Variants in CHCHD6 observed in about 807,000 individuals in gnomAD.
CHCHD6 encodes coiled-coil-helix-coiled-coil-helix domain containing 6, also known as MICOS complex subunit MIC25.
A neutral mutation model predicts 32.3 loss-of-function variants in CHCHD6; 28 were observed. That is an observed-to-expected ratio of 0.87 (90% CI 0.64 to 1.19). The LOEUF (loss-of-function observed/expected upper bound fraction) is 1.19, where lower values mean the gene tolerates loss of function less well. CHCHD6 is among the 50% of genes most tolerant of loss of function. The pLI is 0.00. For synonymous variants in CHCHD6, 122 were observed against 117.5 expected, an observed-to-expected ratio of 1.04 and a Z score of -0.25; for missense variants, 333 against 307.0, an observed-to-expected ratio of 1.08 and a Z score of -0.63.
intron 1 of CHCHD6, among the ~76,000 whole-genome samples, chr3:126,709,839 CT>C (rs1332667751): frequency 9.9e-5 from 15 of 152,228 alleles, no homozygotes; most frequent in African/African-American, 3.4e-4. Flanking sequence ...GATTATTTGT[CT>C]TTTTATTGTT....
At chr3:126,704,449 G>A (rs770458773) in intron 1 of CHCHD6, 50 bp downstream of exon 1, 5 of 1,253,550 alleles carry the variant, frequency 4.0e-6, no homozygotes, top group Middle Eastern at 2.9e-4. Flanking sequence ...GCGGGCGCGG[G>A]GGGGAGGTGC....
At chr3:126,732,115 C>T (rs1408178821) in intron 3 of CHCHD6, among the ~76,000 whole-genome samples, 2 of 144,708 alleles carry the variant, frequency 1.4e-5, no homozygotes, top group South Asian at 2.2e-4. Flanking sequence ...AAAAAGCCAA[C>T]TATTAACCTG....
intron 4 of CHCHD6, among the ~76,000 whole-genome samples, chr3:126,845,402 A>G (rs1391908482): frequency 6.6e-6 from 1 of 152,218 alleles, no homozygotes; most frequent in Non-Finnish European, 1.5e-5. Context: ...GTTCAAAAAT[A>G]TCCCATTACT....
chr3:126,756,189 G>A (rs1417815233), intron 4 of CHCHD6, among the ~76,000 whole-genome samples: 2 of 152,064 alleles, frequency 1.3e-5, no homozygotes, highest in East Asian at 1.9e-4. Context: ...CCCCTACCTC[G>A]GACCCATAGC....
At chr3:126,820,414 G>T (rs1204036862) in intron 4 of CHCHD6, among the ~76,000 whole-genome samples, 2 of 152,092 alleles carry the variant, frequency 1.3e-5, no homozygotes, top group Admixed American at 6.5e-5. Flanking sequence ...CCGCTACTTG[G>T]ACCTCTGCTG....
At chr3:126,792,872 C>T (rs1938619264) in intron 4 of CHCHD6, among the ~76,000 whole-genome samples, 1 of 152,116 alleles carries the variant, frequency 6.6e-6, no homozygotes, top group South Asian at 2.1e-4. Context: ...GATTTGCCTA[C>T]TTCTCCCTGC....
At position 126,882,828 on chromosome 3, in the gene CHCHD6, C is replaced by T. The variant is rs114585119; in HGVS notation, c.495+30098C>T. 3.5e-3 allele frequency among the ~76,000 whole-genome samples: 535 copies of T among 152,280 alleles called. 6 individuals carry two copies. Among genetic ancestry groups the T allele is most frequent in the African/African-American group, 0.012 (504 of 41,538 alleles). On this transcript the variant is annotated intron_variant, in intron 5 of 7. Transcript: ENST00000290913. ...TTGGTATTCTGCCCTCATTTTCTGG[C>T]GTACAACTCCTGAAATCCTTAGGAT...
At chr3:126,827,548 A>T (rs371499111) in intron 4 of CHCHD6, among the ~76,000 whole-genome samples, 2 of 152,034 alleles carry the variant, frequency 1.3e-5, no homozygotes, top group South Asian at 4.2e-4. Flanking sequence ...TCCAGAAACA[A>T]CCTGGTGTGG....
chr3:126,862,381 A>C (rs1941948423), intron 5 of CHCHD6, among the ~76,000 whole-genome samples: 1 of 98,642 alleles, frequency 1.0e-5, no homozygotes. Context: ...CACCATCACC[A>C]CCTCCTCCTC....
At chr3:126,941,094 C>T (rs756291768) in intron 6 of CHCHD6, among the ~76,000 whole-genome samples, 39 of 152,222 alleles carry the variant, frequency 2.6e-4, no homozygotes, top group Admixed American at 7.2e-4. Flanking sequence ...CTTTCCACCC[C>T]AGTGAAGGTC....
At chr3:126,809,185 G>A (rs1178538283) in intron 4 of CHCHD6, among the ~76,000 whole-genome samples, 1 of 152,140 alleles carries the variant, frequency 6.6e-6, no homozygotes, top group African/African-American at 2.4e-5. Context: ...TGTTGGCCAG[G>A]CTGGTCTGGA....
At chr3:126,765,369 A>T (rs560039625) in intron 4 of CHCHD6, among the ~76,000 whole-genome samples, 5 of 152,326 alleles carry the variant, frequency 3.3e-5, no homozygotes, top group Admixed American at 1.3e-4. Flanking sequence ...CACTCAGCAC[A>T]GCGAGCTCGG....
chr3:126,721,733 A>G (rs1052005746), intron 1 of CHCHD6, among the ~76,000 whole-genome samples: 2 of 94,792 alleles, frequency 2.1e-5, no homozygotes, highest in African/African-American at 8.6e-5. Flanking sequence ...ACCAAATCCT[A>G]CTTACCCTGT....
intron 5 of CHCHD6, among the ~76,000 whole-genome samples, chr3:126,862,461 C>T (rs1941957942): frequency 1.5e-5 from 2 of 135,072 alleles, no homozygotes; most frequent in African/African-American, 2.8e-5. Flanking sequence ...CCTCCTCCTC[C>T]ACCATCACCA....
chr3:126,858,100 G>A (rs573837771), intron 5 of CHCHD6, among the ~76,000 whole-genome samples: 19 of 152,268 alleles, frequency 1.2e-4, no homozygotes, highest in Non-Finnish European at 2.5e-4. Flanking sequence ...AAAGTGAGCC[G>A]TCCACAGCTG....
At chr3:126,840,402 T>TA (rs1941024246) in intron 4 of CHCHD6, among the ~76,000 whole-genome samples, 1 of 152,098 alleles carries the variant, frequency 6.6e-6, no homozygotes, top group African/African-American at 2.4e-5. Context: ...TATATTTCAA[T>TA]AAAAAATCTA....
chr3:126,789,970 TC>T (rs1938441885), intron 4 of CHCHD6, among the ~76,000 whole-genome samples: 1 of 152,226 alleles, frequency 6.6e-6, no homozygotes. Context: ...TACTAGTTGT[TC>T]CTTTCCATGT....
At chr3:126,918,843 T>A (rs1202168263) in intron 6 of CHCHD6, among the ~76,000 whole-genome samples, 3 of 152,248 alleles carry the variant, frequency 2.0e-5, no homozygotes. Context: ...TTCTAATGTA[T>A]GCATTTAAGG....
chr3:126,855,682 A>G (rs1941642497), intron 5 of CHCHD6, among the ~76,000 whole-genome samples: 1 of 152,106 alleles, frequency 6.6e-6, no homozygotes, highest in Non-Finnish European at 1.5e-5. Context: ...GGGGCCATGC[A>G]ATCCCCAGGT....
Sources: gnomAD v4.1 joint callset for allele counts (sites outside exome capture counted in the v4.1 genomes callset) on GRCh38, gnomAD v4.1.1 for gene constraint, MANE v1.5 for transcripts, NCBI Gene and HGNC (gene_info 2026-07-23, HGNC 2026-07-21) for gene names.